The following ZNF589 variants were observed in gnomAD, a reference collection of about 807,000 sequenced individuals.
ZNF589 encodes KRAB-zinc finger protein SZF1-1.
In ZNF589, 17 loss-of-function variants were observed where a neutral mutation model predicts 13.6. That is an observed-to-expected ratio of 1.25 (90% CI 0.86 to 1.88). The LOEUF (loss-of-function observed/expected upper bound fraction) is 1.88, where lower values mean the gene tolerates loss of function less well. ZNF589 is among the 40% of genes most tolerant of loss of function. The pLI, the probability that ZNF589 is intolerant of heterozygous loss-of-function variation, is 0.00. For synonymous variants in ZNF589, 148 were observed against 161.6 expected, an observed-to-expected ratio of 0.92 and a Z score of 0.64; for missense variants, 407 against 434.0, an observed-to-expected ratio of 0.94 and a Z score of 0.55.
At chr3:48,251,414 G>A (rs1038706264) in intron 2 of ZNF589, among the ~76,000 whole-genome samples, 12 of 150,852 alleles carry the variant, frequency 8.0e-5, no homozygotes, top group South Asian at 2.1e-4. Context: ...AAAAAAATTA[G>A]CTGGGCGTGG....
In ZNF589 at chr3:48,268,824, A is replaced by G; in HGVS notation, c.*38A>G. ...GTAAGGAGATCATGTCTCAACACAC[A>G]CCAGAGGATACATTCAGATGAGAAG... is the stretch of plus-strand genomic sequence containing the variant. On this transcript the variant is annotated 3_prime_UTR_variant, in exon 4 of 4. Transcript: ENST00000354698. 3.2e-6 allele frequency: 5 copies of G among 1,577,258 alleles called. No homozygotes were observed. The highest frequency in any genetic ancestry group is 4.3e-6 in the Non-Finnish European group (5 of 1,162,886).
Position 48,268,520 on chromosome 3 carries a change from G to A in ZNF589, c.829G>A (p.Val277Ile). The change falls in exon 4 of 4, where the codon GTC (valine) becomes ATC (isoleucine). Residue 277 changes from valine to isoleucine, a missense_variant. Transcript: ENST00000354698. ...GACACACACAGGAGAAAAGCCTTAT[G>A]TCTGCGGAGAGTGTGGGCGAGGCTT... ...QRTHTGEKPY[V>I]CGECGRGFIV... is the part of the protein sequence containing the mutation. The A allele has an allele frequency of 4.3e-6, 7 of 1,614,000 alleles. No homozygotes were observed. The highest frequency in any genetic ancestry group is 1.7e-4 in the Middle Eastern group (1 of 6,060).
intron 2 of ZNF589, among the ~76,000 whole-genome samples, chr3:48,253,965 C>T (rs1439876978): frequency 2.0e-5 from 3 of 152,114 alleles, no homozygotes; most frequent in Non-Finnish European, 4.4e-5. Context: ...GTGGCATGTA[C>T]CTGTATCCTA....
intron 1 of ZNF589, among the ~76,000 whole-genome samples, chr3:48,246,714 G>T (rs1195055892): frequency 6.6e-6 from 1 of 152,154 alleles, no homozygotes; most frequent in Admixed American, 6.5e-5. Context: ...TGTCGCCCAG[G>T]CCGGAGTGCA....
intron 3 of ZNF589, among the ~76,000 whole-genome samples, chr3:48,262,889 T>C (rs889594819): frequency 1.3e-5 from 2 of 152,232 alleles, no homozygotes; most frequent in Admixed American, 6.5e-5. Context: ...GCAGTGCTGG[T>C]TGTGGTGTTT....
At chr3:48,245,181 C>G (rs771945519) in intron 1 of ZNF589, among the ~76,000 whole-genome samples, 12 of 152,102 alleles carry the variant, frequency 7.9e-5, no homozygotes, top group Non-Finnish European at 1.6e-4. Context: ...GGTGTGATCT[C>G]TCACTTCATT....
intron 3 of ZNF589, among the ~76,000 whole-genome samples, chr3:48,261,260 T>C (rs1213627264): frequency 6.6e-6 from 1 of 152,156 alleles, no homozygotes; most frequent in African/African-American, 2.4e-5. Context: ...AACTTTTAAA[T>C]TGCATGATCA....
chr3:48,242,559 C>T (rs927118586), intron 1 of ZNF589, among the ~76,000 whole-genome samples: 1 of 152,202 alleles, frequency 6.6e-6, no homozygotes, highest in Admixed American at 6.5e-5. Context: ...CCGCCTCGGT[C>T]TCCCAAAGTG....
In ZNF589 at chr3:48,270,177, C is replaced by T. The variant is rs781203498; in HGVS notation, c.*1391C>T. On this transcript the variant is annotated 3_prime_UTR_variant, in exon 4 of 4. Transcript: ENST00000354698. ...CTTTGCTGTTTCCTCTCCTACCCCA[C>T]CTTTAGATTTTACTCAGAGTTCAGT... is the stretch of plus-strand genomic sequence containing the variant. The T allele has an allele frequency of 6.6e-6, 3 of 457,184 alleles. No homozygotes were observed. The highest frequency in any genetic ancestry group is 4.6e-5 in the South Asian group (3 of 64,566). 28.3% of individuals were successfully genotyped at this position (457,184 alleles called of 1,614,324 possible). A position where few individuals can be genotyped will look rare whatever the true frequency, so the allele number is the denominator to read the frequency against.
At chr3:48,255,398 G>A (rs1322159448) in intron 2 of ZNF589, among the ~76,000 whole-genome samples, 1 of 150,230 alleles carries the variant, frequency 6.7e-6, no homozygotes, top group African/African-American at 2.5e-5. Flanking sequence ...CTGGTCTCAA[G>A]CTCCTGACCT....
At chr3:48,262,135 A>T (rs985215199) in intron 3 of ZNF589, among the ~76,000 whole-genome samples, 2 of 152,190 alleles carry the variant, frequency 1.3e-5, no homozygotes, top group Non-Finnish European at 2.9e-5. Context: ...CTCAAATATC[A>T]TGACATACCA....
At chr3:48,252,987 A>G (rs1014986090) in intron 2 of ZNF589, among the ~76,000 whole-genome samples, 3 of 151,470 alleles carry the variant, frequency 2.0e-5, no homozygotes, top group Non-Finnish European at 2.9e-5. Flanking sequence ...TATTTAGACA[A>G]TTTTTTCCTC....
At chr3:48,241,272 G>T in intron 1 of ZNF589, 58 bp downstream of exon 1, 1 of 1,591,652 alleles carries the variant, frequency 6.3e-7, no homozygotes, top group Non-Finnish European at 8.5e-7. Flanking sequence ...CAGGCGCCGC[G>T]CAGGCGTCGG....
intron 3 of ZNF589, among the ~76,000 whole-genome samples, chr3:48,266,900 C>T (rs557140547): frequency 1.3e-5 from 2 of 152,176 alleles, no homozygotes; most frequent in Non-Finnish European, 2.9e-5. Flanking sequence ...TTTGTTTCCA[C>T]TGAGAGAACA....
intron 1 of ZNF589, among the ~76,000 whole-genome samples, chr3:48,247,058 C>G (rs550346559): frequency 6.6e-6 from 1 of 152,024 alleles, no homozygotes; most frequent in Non-Finnish European, 1.5e-5. Context: ...GCAACCTTCG[C>G]CCCCTGGGTT....
chr3:48,246,605 C>T (rs1559979390), intron 1 of ZNF589, among the ~76,000 whole-genome samples: 2 of 150,634 alleles, frequency 1.3e-5, no homozygotes, highest in South Asian at 2.1e-4. Context: ...CCACTGAAAC[C>T]GGCCTGACAC....
rs1445836014 is a variant in ZNF589 at position 48,270,019 on chromosome 3, C to T, written c.*1233C>T. 1 of 457,170 alleles carries T rather than the reference C, an allele frequency of 2.2e-6. No individual in the cohort carries two copies. The highest frequency in any genetic ancestry group is 4.4e-6 in the Non-Finnish European group (1 of 227,112). 28.3% of individuals were successfully genotyped at this position (457,170 alleles called of 1,614,324 possible). A position where few individuals can be genotyped will look rare whatever the true frequency, so the allele number is the denominator to read the frequency against. On this transcript the variant is annotated 3_prime_UTR_variant, in exon 4 of 4. Coordinates refer to ENST00000354698, the MANE Select transcript of ZNF589 (RefSeq NM_016089.3). ...TGTGAAGATGACAGAGATCTAACTTCTGAGAGCAGAGGTGTCAAGTGACGG... is the reference window on the plus strand; with the variant it reads ...TGTGAAGATGACAGAGATCTAACTTTTGAGAGCAGAGGTGTCAAGTGACGG...
Position 48,268,754 on chromosome 3 carries a change from A to G in ZNF589, c.1063A>G (p.Thr355Ala). ...GCTCATTAAGCACCAGAGAATTCACACGGGGGATAAGCCTTATGTGTGCAG... is the reference window on the plus strand; with the variant it reads ...GCTCATTAAGCACCAGAGAATTCACGCGGGGGATAAGCCTTATGTGTGCAG... ...SELIKHQRIH[T>A]GDKPYVCRD is the part of the protein sequence containing the mutation. Residue 355 changes from threonine (T) to alanine (A), a missense_variant, in exon 4 of 4, where the codon ACG becomes GCG. Physicochemically the swap from Thr to Ala is moderately conservative, Grantham distance 58 (BLOSUM62 0). Transcript: ENST00000354698. The G allele has an allele frequency of 6.2e-7, 1 of 1,613,248 alleles. No homozygotes were observed. The highest frequency in any genetic ancestry group is 8.5e-7 in the Non-Finnish European group (1 of 1,179,678).
chr3:48,250,628 C>T (rs7611210), intron 2 of ZNF589, among the ~76,000 whole-genome samples: 6,564 of 151,932 alleles, frequency 0.043, 478 homozygotes, highest in African/African-American at 0.15. Context: ...TGCGACACCA[C>T]GCCTGGCTAA....
Sources: allele counts gnomAD v4.1 joint callset (sites outside exome capture counted in the v4.1 genomes callset), GRCh38; gene constraint gnomAD v4.1.1; transcripts MANE v1.5; gene names NCBI Gene and HGNC (gene_info 2026-07-23, HGNC 2026-07-21).